The following LYN variants were observed in gnomAD, a reference collection of about 807,000 sequenced individuals.
LYN encodes the protein LYN proto-oncogene, Src family tyrosine kinase.
A neutral mutation model predicts 65.0 loss-of-function variants in LYN; 12 were observed. The ratio of observed to expected loss-of-function variants is 0.18; its 90% CI spans 0.12 to 0.30. The LOEUF (loss-of-function observed/expected upper bound fraction) is 0.30, where lower values mean the gene tolerates loss of function less well. Among genes scored for constraint, LYN ranks in the 10% least tolerant of loss-of-function variants. The probability of loss-of-function intolerance (pLI) is 1.00; values close to 1 mark genes in which losing one functional copy is unlikely to be tolerated. For synonymous variants in LYN, 222 were observed against 221.2 expected (o/e 1.00, Z -0.03); for missense variants, 380 against 623.2 (o/e 0.61, Z 4.16).
intron 11 of LYN, among the ~76,000 whole-genome samples, chr8:55,999,215 G>A (rs937765665): frequency 2.6e-5 from 4 of 152,098 alleles, no homozygotes; most frequent in African/African-American, 9.7e-5. Flanking sequence ...TGTTGAACAA[G>A]GATTATTATT....
chr8:55,961,929 C>T (rs12114560), intron 8 of LYN, among the ~76,000 whole-genome samples: 8,762 of 151,938 alleles, frequency 0.058, 384 homozygotes, highest in African/African-American at 0.12. Flanking sequence ...TCCGACCTTC[C>T]TGATGGTTTT....
intron 10 of LYN, among the ~76,000 whole-genome samples, chr8:55,990,716 A>T (rs1808223497): frequency 2.0e-5 from 3 of 152,276 alleles, no homozygotes; most frequent in Admixed American, 2.0e-4. Flanking sequence ...AATGCTGGTC[A>T]TTGGTGTCTA....
At chr8:55,979,495 G>GCTGTAGCTATGCATTTGTGT (rs1444723319) in intron 10 of LYN, among the ~76,000 whole-genome samples, 1 of 152,184 alleles carries the variant, frequency 6.6e-6, no homozygotes, top group African/African-American at 2.4e-5. Context: ...CGGAGCACGT[G>GCTGTAGCTATGCATTTGTGT]CTGTAGCTAT....
chr8:55,916,238 T>C, intron 1 of LYN, among the ~76,000 whole-genome samples: 1 of 152,206 alleles, frequency 6.6e-6, no homozygotes, highest in East Asian at 1.9e-4. Context: ...CTTATTTTGT[T>C]TTTTGAGGGG....
chr8:55,891,352 C>T (rs1047963196), intron 1 of LYN, among the ~76,000 whole-genome samples: 5 of 96,478 alleles, frequency 5.2e-5, no homozygotes, highest in Admixed American at 2.2e-4. Context: ...AACTCCGGCT[C>T]AAAAAAAAAA....
chr8:55,883,384 G>T (rs913978757), intron 1 of LYN, among the ~76,000 whole-genome samples: 2 of 152,218 alleles, frequency 1.3e-5, no homozygotes, highest in Non-Finnish European at 2.9e-5. Flanking sequence ...GGACATAGCA[G>T]ATGCACCATC....
chr8:55,953,278 T>A (rs1807005733), intron 7 of LYN, among the ~76,000 whole-genome samples: 1 of 152,196 alleles, frequency 6.6e-6, no homozygotes, highest in African/African-American at 2.4e-5. Context: ...GGTTGTCTGT[T>A]GGCTTTGTTG....
In LYN at chr8:55,923,547, C is replaced by CT. The variant is rs557526674; in HGVS notation, c.-5-18298dup. On this transcript the variant is annotated intron_variant, in intron 1 of 12. Transcript: ENST00000519728. ...GTTAGTGAATATTTAGGTCAAACAA[C>CT]TTTTTTTTTTGAGACAGGGTCTTGC... 7.6e-3 allele frequency among the ~76,000 whole-genome samples: 1,134 copies of CT among 150,036 alleles called. 7 individuals carry two copies. Among genetic ancestry groups the CT allele is most frequent in the Middle Eastern group, 0.024 (7 of 292 alleles).
At chr8:55,920,255 G>A (rs180962037) in intron 1 of LYN, among the ~76,000 whole-genome samples, 4 of 152,284 alleles carry the variant, frequency 2.6e-5, no homozygotes, top group Non-Finnish European at 2.9e-5. Flanking sequence ...ACTTGGGGAC[G>A]CATCAGACAT....
Position 55,951,998 on chromosome 8 carries a change from C to T in LYN, c.520C>T (p.Pro174Ser). 6.2e-7 allele frequency: 1 copy of T among 1,611,488 alleles called. No homozygotes were observed. Among genetic ancestry groups the T allele is most frequent in the Non-Finnish European group, 8.5e-7 (1 of 1,179,312 alleles). ...CTCTCTGTCTGTCAGAGACTTTGACCCTGTGCATGGTGATGTTATTAAGCA... is the reference window on the plus strand; with the variant it reads ...CTCTCTGTCTGTCAGAGACTTTGACTCTGTGCATGGTGATGTTATTAAGCA... ...SFSLSVRDFD[P>S]VHGDVIKHYK... Residue 174 changes from proline to serine, a missense_variant, in exon 7 of 13, where the codon CCT becomes TCT. Coordinates refer to ENST00000519728, the MANE Select transcript of LYN (RefSeq NM_002350.4).
At chr8:55,883,460 T>G (rs1161940391) in intron 1 of LYN, among the ~76,000 whole-genome samples, 1 of 152,130 alleles carries the variant, frequency 6.6e-6, no homozygotes, top group Admixed American at 6.5e-5. Context: ...GCTTTTTGCT[T>G]GGGGGTGGGA....
rs1410103576 is a variant in LYN, at chr8:55,968,464, C to T, written c.974-1253C>T. On this transcript the variant is annotated intron_variant, in intron 9 of 12. Coordinates refer to ENST00000519728, the MANE Select transcript of LYN (RefSeq NM_002350.4). ...TAGAGACAGAGTTTCACCATGTTGGCCAGGCTGGTCTTAAACTCCCGACCT... is the reference window on the plus strand; with the variant it reads ...TAGAGACAGAGTTTCACCATGTTGGTCAGGCTGGTCTTAAACTCCCGACCT... 2.6e-5 allele frequency among the ~76,000 whole-genome samples: 4 copies of T among 152,266 alleles called. No homozygotes were observed. In the Middle Eastern group the frequency reaches 0.01, roughly 388 times the overall value.
At chr8:55,903,935 C>T (rs1470707) in intron 1 of LYN, among the ~76,000 whole-genome samples, 99,293 of 151,916 alleles carry the variant, frequency 0.65, 32,805 homozygotes, top group East Asian at 0.94. Context: ...TGGGAGGATC[C>T]GCTTGAGCCT....
At chr8:55,987,393 T>C (rs1380163677) in intron 10 of LYN, among the ~76,000 whole-genome samples, 3 of 147,322 alleles carry the variant, frequency 2.0e-5, no homozygotes, top group Non-Finnish European at 3.0e-5. Flanking sequence ...GGCTACAGAG[T>C]GAGACTTCAT....
At chr8:55,957,410 CT>C (rs1807153181) in intron 8 of LYN, among the ~76,000 whole-genome samples, 1 of 152,150 alleles carries the variant, frequency 6.6e-6, no homozygotes, top group African/African-American at 2.4e-5. Context: ...ATTAACGTGT[CT>C]GTCATGAAAA....
intron 4 of LYN, 42 bp downstream of exon 4, chr8:55,947,765 G>A (rs371462808): frequency 2.8e-4 from 366 of 1,325,748 alleles, no homozygotes; most frequent in Admixed American, 8.2e-4. Flanking sequence ...GTTTCCTCAG[G>A]CCACTGAGTC....
intron 1 of LYN, among the ~76,000 whole-genome samples, chr8:55,910,796 G>A (rs1805576849): frequency 6.6e-6 from 1 of 151,838 alleles, no homozygotes. Flanking sequence ...CTTTCAGCCT[G>A]CCTTGTGATT....
intron 10 of LYN, among the ~76,000 whole-genome samples, chr8:55,987,426 T>G (rs1237177240): frequency 6.6e-6 from 1 of 151,634 alleles, no homozygotes; most frequent in Non-Finnish European, 1.5e-5. Flanking sequence ...AAAAAAAATC[T>G]TTTCTGTTTA....
rs2130583403 is a variant in LYN, at chr8:55,998,391, C to T, written c.1096C>T (p.Arg366Trp). The change falls in exon 11 of 13, where the codon CGG (arginine) becomes TGG (tryptophan). Residue 366 changes from arginine (R) to tryptophan (W), a missense_variant. Physicochemically the swap from Arg to Trp is moderately radical, Grantham distance 101 (BLOSUM62 -3). This residue lies in a region of LYN where 223 missense variants were observed against 430.0 expected (regional missense o/e 0.52). Transcript: ENST00000519728. ...CATCGAGCGGAAGAACTACATTCACCGGGACCTGCGAGCAGCTAATGTTCT... is the reference window on the plus strand; with the variant it reads ...CATCGAGCGGAAGAACTACATTCACTGGGACCTGCGAGCAGCTAATGTTCT... ...AYIERKNYIH[R>W]DLRAANVLVS... 6.2e-7 allele frequency: 1 copy of T among 1,613,964 alleles called. No homozygotes were observed. The highest frequency in any genetic ancestry group is 8.5e-7 in the Non-Finnish European group (1 of 1,179,894).
Sources: gnomAD v4.1 joint callset for allele counts (sites outside exome capture counted in the v4.1 genomes callset) on GRCh38, gnomAD v4.1.1 for gene constraint, gnomAD v4.1.1 regional missense constraint, MANE v1.5 for transcripts, NCBI Gene and HGNC (gene_info 2026-07-23, HGNC 2026-07-21) for gene names.